TYK2: variants seen among roughly 807,000 people sequenced by gnomAD.
TYK2 encodes non-receptor tyrosine-protein kinase TYK2.
In TYK2, 65 loss-of-function variants were observed where a neutral mutation model predicts 130.9. The ratio of observed to expected loss-of-function variants is 0.50; its 90% CI spans 0.41 to 0.61. TYK2 has a LOEUF of 0.61. Among genes scored for constraint, TYK2 ranks in the 20% least tolerant of loss-of-function variants. The probability of loss-of-function intolerance (pLI) is 0.00; values close to 1 mark genes in which losing one functional copy is unlikely to be tolerated. For synonymous variants in TYK2, 647 were observed against 658.9 expected, an observed-to-expected ratio of 0.98 and a Z score of 0.28; for missense variants, 1,378 against 1,610.7, an observed-to-expected ratio of 0.86 and a Z score of 2.47.
chr19:10,363,586 C>T (rs1223087870), intron 9 of TYK2, among the ~76,000 whole-genome samples: 1 of 152,130 alleles, frequency 6.6e-6, no homozygotes, highest in Non-Finnish European at 1.5e-5. Context: ...CCAGCCATGA[C>T]CATCGCCACT....
chr19:10,378,675 GAC>G (rs2042256668), intron 2 of TYK2, among the ~76,000 whole-genome samples: 1 of 152,066 alleles, frequency 6.6e-6, no homozygotes, highest in South Asian at 2.1e-4. Flanking sequence ...TCCACAAATT[GAC>G]ACAGATATAA....
Position 10,350,667 on chromosome 19 carries a change from G to C in TYK2, c.*167C>G. ...AGATCATGGTTAGGCTCACGGCCAA[G>C]AAAGAAAAATAAGTTCACAGAGGTG... On this transcript the variant is annotated 3_prime_UTR_variant, in exon 25 of 25. Transcript: ENST00000525621. The C allele has an allele frequency of 1.3e-6, 1 of 786,684 alleles. No individual in the cohort carries two copies. The highest frequency in any genetic ancestry group is 2.0e-6 in the Non-Finnish European group (1 of 503,652). The allele number at this position is 786,684 out of a possible 1,614,324, so 48.7% of individuals were successfully genotyped here. A position where few individuals can be genotyped will look rare whatever the true frequency, so the allele number is the denominator to read the frequency against.
In TYK2 at chr19:10,356,765, CA is replaced by C. The variant is rs12720308; in HGVS notation, c.2467-48del. On this transcript the variant is annotated intron_variant, in intron 17 of 24. Transcript: ENST00000525621. ...GGAGTCAACATCCTCCCCTCGCCCC[CA>C]ACCCGTTCCCCAAGAGGCAGAGTCA... 5.3e-3 allele frequency: 8,218 copies of C among 1,552,974 alleles called. 362 individuals are homozygous for C. The African/African-American group carries it at 0.098, about 19-fold the overall frequency.
At chr19:10,372,472 ATATATATATATATT>A (rs1177322533) in intron 3 of TYK2, among the ~76,000 whole-genome samples, 5 of 59,234 alleles carry the variant, frequency 8.4e-5, no homozygotes, top group Non-Finnish European at 1.5e-4. Flanking sequence ...ATATATATAT[ATATATATATATATT>A]TTTTTTTTTT....
rs72561470 is a variant in TYK2 at position 10,362,160 on chromosome 19, A to G, written c.1691T>C (p.Met564Thr). 3.1e-6 allele frequency: 5 copies of G among 1,613,742 alleles called. No individual in the cohort carries two copies. Among genetic ancestry groups the G allele is most frequent in the Non-Finnish European group, 4.2e-6 (5 of 1,179,988 alleles). The change falls in exon 12 of 25, where the codon ATG (methionine) becomes ACG (threonine). Residue 564 changes from methionine to threonine, a missense_variant. Met to Thr is a moderately conservative substitution (Grantham distance 81). Transcript: ENST00000525621. ...QPGETSNLII[M>T]RGARASPRTL... Reference sequence around the variant, plus strand: ...CCTGGGGCTGGCCCGAGCCCCCCGCATGATGATGAGATTGGAGGTTTCTGG... The same window carrying G: ...CCTGGGGCTGGCCCGAGCCCCCCGCGTGATGATGAGATTGGAGGTTTCTGG...
chr19:10,358,152 G>A lies in TYK2; in HGVS notation c.2176-14C>T, dbSNP rs769584388. 4.4e-6 allele frequency: 7 copies of A among 1,598,734 alleles called. No homozygotes were observed. The highest frequency in any genetic ancestry group is 6.0e-6 in the Non-Finnish European group (7 of 1,173,134). Reference sequence around the variant, plus strand: ...GTTCTTGTTCTCCTGAGGTGGGCAGGAGAGGGGGTGTGGCCACTCAGGAGA... The same window carrying A: ...GTTCTTGTTCTCCTGAGGTGGGCAGAAGAGGGGGTGTGGCCACTCAGGAGA... On this transcript the variant is annotated splice_polypyrimidine_tract_variant and intron_variant, in intron 15 of 24. Coordinates refer to ENST00000525621, the MANE Select transcript of TYK2 (RefSeq NM_003331.5).
At position 10,353,992 on chromosome 19, in the gene TYK2, G is replaced by T. The variant is rs531812472; in HGVS notation, c.2908+50C>A. Reference sequence around the variant, plus strand: ...GCCCCGCCCACAAGGCCACACCCACGCTCTAACCACGCCCCCTCAAGTCTC... The same window carrying T: ...GCCCCGCCCACAAGGCCACACCCACTCTCTAACCACGCCCCCTCAAGTCTC... On this transcript the variant is annotated intron_variant, in intron 20 of 24. Coordinates refer to ENST00000525621, the MANE Select transcript of TYK2 (RefSeq NM_003331.5). This position sits in a 1 kb window ranked among gnomAD's most constrained non-coding sequence, Gnocchi z 6.9. The T allele has an allele frequency of 2.9e-5, 46 of 1,587,568 alleles. No individual in the cohort carries two copies. The highest frequency in any genetic ancestry group is 4.0e-5 in the African/African-American group (3 of 74,350).
At chr19:10,362,005 G>C (rs1269964634) in intron 12 of TYK2, 50 bp from the exon 13 acceptor site, 1 of 1,613,280 alleles carries the variant, frequency 6.2e-7, no homozygotes, top group African/African-American at 1.3e-5. Flanking sequence ...GTTAGCAGCT[G>C]ATCTCCCAGG....
At chr19:10,354,639 A>C (rs1282052176) in intron 18 of TYK2, 30 bp from the exon 19 acceptor site, 1 of 1,573,450 alleles carries the variant, frequency 6.4e-7, no homozygotes, top group Admixed American at 1.7e-5. Flanking sequence ...TAAAGGCCTG[A>C]CCCCGATCCT....
At chr19:10,368,548 A>T in intron 3 of TYK2, 130 bp from the exon 4 acceptor site, 1 of 1,400,470 alleles carries the variant, frequency 7.1e-7, no homozygotes, top group South Asian at 1.2e-5. Context: ...CTTCAGTCTC[A>T]CGTTGCCCCT....
intron 23 of TYK2, chr19:10,351,614 C>T (rs1457225786): frequency 1.7e-5 from 4 of 237,170 alleles, no homozygotes; most frequent in South Asian, 1.7e-4. Flanking sequence ...GTTTTCTCAT[C>T]CGTAAAATAG....
intron 5 of TYK2, among the ~76,000 whole-genome samples, chr19:10,367,304 A>G (rs1018873991): frequency 6.6e-6 from 1 of 151,924 alleles, no homozygotes; most frequent in African/African-American, 2.4e-5. Context: ...AGACATTACT[A>G]ATCAATCACA....
intron 3 of TYK2, among the ~76,000 whole-genome samples, chr19:10,369,454 G>A (rs1031072091): frequency 1.3e-5 from 2 of 151,910 alleles, no homozygotes; most frequent in African/African-American, 2.4e-5. Flanking sequence ...AACCTCCAGG[G>A]CTCAAGCGAT....
chr19:10,361,464 CA>C lies in TYK2; in HGVS notation c.2047+46del. On this transcript the variant is annotated intron_variant, in intron 14 of 24. Coordinates refer to ENST00000525621, the MANE Select transcript of TYK2 (RefSeq NM_003331.5). This position sits in a 1 kb window ranked among gnomAD's most constrained non-coding sequence, Gnocchi z 4.0. ...TACAGATCAGGGAGTGGGTATAAGTCAGGGGTGGCCTGCCAAAGGGGGATGG... is the reference window on the plus strand; with the variant it reads ...TACAGATCAGGGAGTGGGTATAAGTCGGGGTGGCCTGCCAAAGGGGGATGG... 1.3e-6 allele frequency: 2 copies of C among 1,532,426 alleles called. No homozygotes were observed. Among genetic ancestry groups the C allele is most frequent in the South Asian group, 1.2e-5 (1 of 83,814 alleles). 94.9% of individuals were successfully genotyped at this position (1,532,426 alleles called of 1,614,324 possible).
At chr19:10,372,446 C>T (rs2041945074) in intron 3 of TYK2, among the ~76,000 whole-genome samples, 1 of 126,312 alleles carries the variant, frequency 7.9e-6, no homozygotes, top group Non-Finnish European at 1.6e-5. Flanking sequence ...AGGAACACGC[C>T]ACCACACACA....
At chr19:10,373,414 C>G (rs936521595) in intron 3 of TYK2, among the ~76,000 whole-genome samples, 3 of 152,060 alleles carry the variant, frequency 2.0e-5, no homozygotes, top group Non-Finnish European at 4.4e-5. Flanking sequence ...TCTCGGCTCA[C>G]TGCAACTCCG....
rs2040940978 is a variant in TYK2, at chr19:10,353,868, C to G, written c.2908+174G>C. Reference sequence around the variant, plus strand: ...TCCTGGCCCCAGCAGGTAGCACCCCCCAGATGGGAAGGAGGCAGCCCAGCC... The same window carrying G: ...TCCTGGCCCCAGCAGGTAGCACCCCGCAGATGGGAAGGAGGCAGCCCAGCC... On this transcript the variant is annotated intron_variant, in intron 20 of 24. Transcript: ENST00000525621. This position sits in a 1 kb window ranked among gnomAD's most constrained non-coding sequence, Gnocchi z 6.9. The G allele has an allele frequency of 1.3e-6, 1 of 772,610 alleles. No individual in the cohort carries two copies. The highest frequency in any genetic ancestry group is 2.1e-6 in the Non-Finnish European group (1 of 473,214). 47.9% of individuals were successfully genotyped at this position (772,610 alleles called of 1,614,324 possible).
At chr19:10,372,484 A>ATATATATATT (rs1390400916) in intron 3 of TYK2, among the ~76,000 whole-genome samples, 3 of 37,424 alleles carry the variant, frequency 8.0e-5, no homozygotes, top group Non-Finnish European at 1.3e-4. Context: ...ATATATATAT[A>ATATATATATT]TTTTTTTTTT....
In TYK2 at chr19:10,357,865, T is replaced by C. The variant is rs1435248084; in HGVS notation, c.2365A>G (p.Asn789Asp). The C allele has an allele frequency of 6.2e-7, 1 of 1,613,542 alleles. No individual in the cohort carries two copies. Among genetic ancestry groups the C allele is most frequent in the African/African-American group, 1.3e-5 (1 of 75,062 alleles). ...TTGTCCATGGCGGTGCTTAGGCTGT[T>C]GGCCCCACCTGGTAGGCATTCGGGG... ...LAPECLPGGA[N>D]SLSTAMDKWG... The change falls in exon 17 of 25, where the codon AAC becomes GAC. Residue 789 changes from asparagine to aspartate, a missense_variant. By Grantham distance (23) the Asn-to-Asp change is conservative. Coordinates refer to ENST00000525621, the MANE Select transcript of TYK2 (RefSeq NM_003331.5).
Sources: gnomAD v4.1 joint callset for allele counts (sites outside exome capture counted in the v4.1 genomes callset) on GRCh38, gnomAD v4.1.1 for gene constraint, Gnocchi (gnomAD v3.1) non-coding constraint, MANE v1.5 for transcripts, NCBI Gene and HGNC (gene_info 2026-07-23, HGNC 2026-07-21) for gene names.